The following SPAG9 variants were observed in gnomAD, a reference collection of about 807,000 sequenced individuals.
SPAG9 encodes sperm associated antigen 9.
In SPAG9, 35 loss-of-function variants were observed where a neutral mutation model predicts 166.5. The observed-to-expected ratio is 0.21, with a 90% CI of 0.16 to 0.28. The LOEUF is 0.28. SPAG9 is among the 10% of genes least tolerant of loss of function. SPAG9 has a pLI of 1.00. For synonymous variants in SPAG9, 534 were observed against 565.5 expected, an observed-to-expected ratio of 0.94 and a Z score of 0.79; for missense variants, 1,235 against 1,603.3, an observed-to-expected ratio of 0.77 and a Z score of 3.92.
chr17:50,984,226 G>A (rs1020770940), intron 24 of SPAG9, among the ~76,000 whole-genome samples: 39 of 151,936 alleles, frequency 2.6e-4, no homozygotes, highest in Non-Finnish European at 1.3e-4. Flanking sequence ...TATAAATAAG[G>A]TGACATGAAA....
Position 51,005,274 on chromosome 17 carries a change from AAAAAC to A in SPAG9, c.1425-16_1425-12del. On this transcript the variant is annotated splice_polypyrimidine_tract_variant and intron_variant, in intron 11 of 29. Transcript: ENST00000262013. ...GCTTCTGCCCGAGCTCTAGTGGGGA[AAAAAC>A]AAAACAAAACATGTTATTTGAATTG... The A allele has an allele frequency of 1.2e-6, 2 of 1,613,232 alleles. No individual in the cohort carries two copies. The highest frequency in any genetic ancestry group is 1.7e-5 in the Admixed American group (1 of 59,960).
At chr17:51,063,337 G>A (rs1027794004) in intron 2 of SPAG9, among the ~76,000 whole-genome samples, 6 of 151,688 alleles carry the variant, frequency 4.0e-5, no homozygotes, top group African/African-American at 1.2e-4. Flanking sequence ...GTTTGAACCT[G>A]GGAGGTGGAG....
chr17:51,041,811 G>A (rs1429528167), intron 4 of SPAG9, among the ~76,000 whole-genome samples, 160 bp from the exon 5 acceptor site: 1 of 152,192 alleles, frequency 6.6e-6, no homozygotes, highest in African/African-American at 2.4e-5. Flanking sequence ...AAAGAGGAAG[G>A]ACAGTCTCAG....
At chr17:51,104,763 C>A (rs1235171316) in intron 1 of SPAG9, among the ~76,000 whole-genome samples, 1 of 151,740 alleles carries the variant, frequency 6.6e-6, no homozygotes, top group Admixed American at 6.6e-5. Context: ...GAAACCCCGT[C>A]TCTACTAAAA....
intron 21 of SPAG9, chr17:50,989,453 A>G (rs1413455991): frequency 3.4e-6 from 2 of 586,386 alleles, no homozygotes; most frequent in Admixed American, 3.0e-5. Flanking sequence ...ACTTTTATAG[A>G]TAAGATTTTT....
intron 1 of SPAG9, among the ~76,000 whole-genome samples, chr17:51,116,943 CATCAGACGG>C (rs1315259020): frequency 6.6e-6 from 1 of 152,088 alleles, no homozygotes; most frequent in East Asian, 1.9e-4. Flanking sequence ...TGGGCAAAGG[CATCAGACGG>C]GTCTTGGTTA....
chr17:50,963,951 T>C lies in SPAG9; in HGVS notation c.*2321A>G, dbSNP rs1056106292. 2.0e-5 allele frequency: 3 copies of C among 152,228 alleles called. No homozygotes were observed. Among genetic ancestry groups the C allele is most frequent in the Non-Finnish European group, 4.4e-5 (3 of 68,038 alleles). 9.4% of individuals were successfully genotyped at this position (152,228 alleles called of 1,614,324 possible). A position where few individuals can be genotyped will look rare whatever the true frequency, so the allele number is the denominator to read the frequency against. On this transcript the variant is annotated 3_prime_UTR_variant, in exon 30 of 30. Transcript: ENST00000262013. ...CAAAAAATTATTCTTTTAATACAGC[T>C]TTTACCAAAACAGTTTTAATACATG...
chr17:51,078,826 T>A (rs1415149185), intron 2 of SPAG9, among the ~76,000 whole-genome samples: 1 of 152,144 alleles, frequency 6.6e-6, no homozygotes, highest in Non-Finnish European at 1.5e-5. Context: ...CAGTACTTTT[T>A]TTTCTCCAGT....
intron 20 of SPAG9, 164 bp from the exon 21 acceptor site, chr17:50,990,036 T>A: frequency 1.5e-6 from 1 of 684,350 alleles, no homozygotes. Context: ...ACAGCATTTT[T>A]TTTTTTTTTG....
intron 6 of SPAG9, among the ~76,000 whole-genome samples, chr17:51,026,674 CTTTT>C (rs35339612): frequency 8.1e-6 from 1 of 124,218 alleles, no homozygotes; most frequent in Non-Finnish European, 1.7e-5. Flanking sequence ...TTTTTCTTTT[CTTTT>C]TTTTTTTTTT....
rs965711476 is a variant in SPAG9 at position 51,089,125 on chromosome 17, A to C, written c.304-9421T>G. On this transcript the variant is annotated intron_variant, in intron 1 of 29. Coordinates refer to ENST00000262013, the MANE Select transcript of SPAG9 (RefSeq NM_001130528.3). The stretch of plus-strand genomic sequence containing the variant: ...AACAAAACAAAACACACACACACAA[A>C]AAAAAAACAGAAGTTGGGCCAGGCA... Among the ~76,000 whole-genome samples, 511 of 148,870 alleles carry C rather than the reference A, an allele frequency of 3.4e-3. 2 individuals are homozygous for C. Among genetic ancestry groups the C allele is most frequent in the Non-Finnish European group, 5.4e-3 (364 of 67,182 alleles).
chr17:50,981,755 G>A (rs1290458841), intron 25 of SPAG9, among the ~76,000 whole-genome samples: 6 of 151,122 alleles, frequency 4.0e-5, no homozygotes, highest in South Asian at 4.1e-4. Flanking sequence ...ATGCTAGGCC[G>A]GACGCGGTGG....
intron 22 of SPAG9, among the ~76,000 whole-genome samples, chr17:50,986,768 T>C (rs1027456097): frequency 6.6e-6 from 1 of 152,248 alleles, no homozygotes; most frequent in Non-Finnish European, 1.5e-5. Context: ...CCTGTTTTCC[T>C]GCCCACATTC....
chr17:50,990,033 T>A, intron 20 of SPAG9, 161 bp from the exon 21 acceptor site: 1 of 499,358 alleles, frequency 2.0e-6, no homozygotes, highest in South Asian at 2.9e-5. Flanking sequence ...ATTACAGCAT[T>A]TTTTTTTTTT....
At chr17:51,020,357 CA>C (rs1318445646) in intron 7 of SPAG9, 99 bp from the exon 8 acceptor site, 1 of 734,276 alleles carries the variant, frequency 1.4e-6, no homozygotes, top group African/African-American at 1.8e-5. Flanking sequence ...ATCATTTGAA[CA>C]TTTTTTTAAA....
intron 7 of SPAG9, 115 bp from the exon 8 acceptor site, chr17:51,020,373 G>T: frequency 1.5e-6 from 1 of 649,798 alleles, no homozygotes; most frequent in African/African-American, 1.8e-5. Flanking sequence ...TTTAAAATGT[G>T]CAAGACTGGA....
At chr17:51,029,282 C>A (rs972466604) in intron 6 of SPAG9, among the ~76,000 whole-genome samples, 3 of 152,158 alleles carry the variant, frequency 2.0e-5, no homozygotes, top group Admixed American at 6.5e-5. Context: ...AATGAGATAT[C>A]ATCACCTGGC....
intron 2 of SPAG9, among the ~76,000 whole-genome samples, chr17:51,058,076 T>G (rs1053190484): frequency 6.6e-6 from 1 of 152,234 alleles, no homozygotes; most frequent in Admixed American, 6.5e-5. Context: ...ATTGTTCATC[T>G]TTTTGAATCA....
At chr17:50,967,208 G>T (rs1973425352) in intron 29 of SPAG9, among the ~76,000 whole-genome samples, 1 of 152,198 alleles carries the variant, frequency 6.6e-6, no homozygotes, top group Non-Finnish European at 1.5e-5. Flanking sequence ...TCACAGAGCA[G>T]GGTTATTTTG....
Sources: allele counts gnomAD v4.1 joint callset (sites outside exome capture counted in the v4.1 genomes callset), GRCh38; gene constraint gnomAD v4.1.1; transcripts MANE v1.5; gene names NCBI Gene and HGNC (gene_info 2026-07-23, HGNC 2026-07-21).